Variants in PDE10A observed in about 807,000 individuals in gnomAD.
PDE10A encodes cAMP and cAMP-inhibited cGMP 3',5'-cyclic phosphodiesterase 10A.
In PDE10A, 39 loss-of-function variants were observed where a neutral mutation model predicts 97.7. That is an observed-to-expected ratio of 0.40 (90% CI 0.31 to 0.52). PDE10A has a LOEUF of 0.52. PDE10A is among the 20% of genes least tolerant of loss of function. The pLI is 0.56. For missense variants in PDE10A, 731 were observed against 1,047.8 expected (o/e 0.70, Z 4.17); for synonymous variants, 371 against 376.8 (o/e 0.98, Z 0.18).
At position 165,339,990 on chromosome 6, in the gene PDE10A, T is replaced by TTAGTTACTAAAGATTCACTTACAGGTAA. The variant is rs1477628983; in HGVS notation, c.2896-660_2896-633dup. Among the ~76,000 whole-genome samples, 8 of 152,318 alleles carry TTAGTTACTAAAGATTCACTTACAGGTAA rather than the reference T, an allele frequency of 5.3e-5. No individual in the cohort carries two copies. In the East Asian group the frequency reaches 1.5e-3, roughly 29 times the overall value. On this transcript the variant is annotated intron_variant, in intron 19 of 21. Coordinates refer to ENST00000539869, the MANE Select transcript of PDE10A (RefSeq NM_001385079.1). The stretch of plus-strand genomic sequence containing the variant: ...TAATAGTTACTAAAGATTCACTATG[T>TTAGTTACTAAAGATTCACTTACAGGTAA]TAGTTACTAAAGATTCACTTACAGG...
chr6:165,737,794 C>T (rs575367995), intron 1 of PDE10A, among the ~76,000 whole-genome samples: 79 of 152,206 alleles, frequency 5.2e-4, no homozygotes, highest in Non-Finnish European at 8.7e-4. Flanking sequence ...TACTAGAAGT[C>T]CTAGCCAGAG....
At chr6:165,554,599 T>C (rs982534410) in intron 1 of PDE10A, among the ~76,000 whole-genome samples, 3 of 152,076 alleles carry the variant, frequency 2.0e-5, no homozygotes, top group African/African-American at 7.2e-5. Flanking sequence ...TGGAGAAAAG[T>C]TTGGAGGTCC....
chr6:165,531,403 T>C (rs1782769951), intron 2 of PDE10A, among the ~76,000 whole-genome samples: 1 of 151,958 alleles, frequency 6.6e-6, no homozygotes, highest in African/African-American at 2.4e-5. Flanking sequence ...TGCTTTTCTA[T>C]ATTCCAGTTC....
At chr6:165,369,947 T>G (rs899207464) in intron 18 of PDE10A, among the ~76,000 whole-genome samples, 1 of 151,764 alleles carries the variant, frequency 6.6e-6, no homozygotes, top group African/African-American at 2.4e-5. Flanking sequence ...AGAAAAGAAT[T>G]TTCAACCCAG....
chr6:165,750,764 C>T (rs1021755264), intron 1 of PDE10A, among the ~76,000 whole-genome samples: 1 of 151,930 alleles, frequency 6.6e-6, no homozygotes, highest in African/African-American at 2.4e-5. Context: ...TTTTGACTCA[C>T]CTCTGAGATT....
chr6:165,545,958 C>T (rs971922981), intron 1 of PDE10A, among the ~76,000 whole-genome samples: 1 of 151,994 alleles, frequency 6.6e-6, no homozygotes, highest in African/African-American at 2.4e-5. Context: ...CAAAAACCTC[C>T]ATGTGAGTGT....
intron 18 of PDE10A, among the ~76,000 whole-genome samples, chr6:165,369,020 T>C (rs1784019386): frequency 6.6e-6 from 1 of 151,946 alleles, no homozygotes; most frequent in South Asian, 2.1e-4. Flanking sequence ...CTGAGGGTCC[T>C]GTCTGTTAGA....
chr6:165,880,114 A>T (rs1378308863), intron 1 of PDE10A, among the ~76,000 whole-genome samples: 1 of 152,144 alleles, frequency 6.6e-6, no homozygotes. Flanking sequence ...TCTTCATAAG[A>T]GGAGGCCTGT....
chr6:165,928,904 G>A (rs553694159), intron 1 of PDE10A, among the ~76,000 whole-genome samples: 1 of 152,324 alleles, frequency 6.6e-6, no homozygotes, highest in East Asian at 1.9e-4. Context: ...TGGTTGAGAA[G>A]TTTCTAGTGC....
chr6:165,487,977 A>C (rs2128285162), intron 2 of PDE10A, among the ~76,000 whole-genome samples: 1 of 151,848 alleles, frequency 6.6e-6, no homozygotes, highest in Admixed American at 6.5e-5. Context: ...ATGGAAAAGA[A>C]GAAAATTGCC....
chr6:165,752,126 G>A (rs566115801), intron 1 of PDE10A, among the ~76,000 whole-genome samples: 91 of 49,230 alleles, frequency 1.8e-3, no homozygotes, highest in Non-Finnish European at 3.8e-4. Flanking sequence ...CTGGGCAACA[G>A]AGCAAAAAAA....
rs1781202329 is a variant in PDE10A, at chr6:165,329,095, A to C, written c.*3930T>G. 1 of 152,244 alleles carries C rather than the reference A, an allele frequency of 6.6e-6. No individual in the cohort carries two copies. Among genetic ancestry groups the C allele is most frequent in the Non-Finnish European group, 1.5e-5 (1 of 68,054 alleles). The allele number at this position is 152,244 out of a possible 1,614,324, so 9.4% of individuals were successfully genotyped here. On this transcript the variant is annotated 3_prime_UTR_variant, in exon 22 of 22. Coordinates refer to ENST00000539869, the MANE Select transcript of PDE10A (RefSeq NM_001385079.1). ...ATAGTCTTTAAAGAATTAAATCCTA[A>C]ATAAAATCTGCAAAGTGTAGAAAGC...
intron 1 of PDE10A, among the ~76,000 whole-genome samples, chr6:165,886,224 C>T (rs546144704): frequency 6.6e-6 from 1 of 151,810 alleles, no homozygotes; most frequent in African/African-American, 2.4e-5. Context: ...AGCCCTGGAG[C>T]CCTGGAACCC....
At chr6:165,417,968 C>T (rs1430424807) in intron 11 of PDE10A, among the ~76,000 whole-genome samples, 2 of 152,204 alleles carry the variant, frequency 1.3e-5, no homozygotes, top group Non-Finnish European at 2.9e-5. Flanking sequence ...ATTTTCTCAG[C>T]TTCTGAATGT....
chr6:165,698,068 C>T (rs1791483069), intron 1 of PDE10A, among the ~76,000 whole-genome samples: 1 of 152,170 alleles, frequency 6.6e-6, no homozygotes, highest in Non-Finnish European at 1.5e-5. Context: ...TGAAGTGAAT[C>T]TCTCCTTTCT....
At chr6:165,827,597 G>A (rs1042890003) in intron 1 of PDE10A, among the ~76,000 whole-genome samples, 4 of 152,202 alleles carry the variant, frequency 2.6e-5, no homozygotes, top group Non-Finnish European at 5.9e-5. Flanking sequence ...TGGAGAGGAT[G>A]GTACTACTGA....
chr6:165,431,518 G>A lies in PDE10A; in HGVS notation c.1492-46C>T, dbSNP rs551392690. On this transcript the variant is annotated intron_variant, in intron 7 of 21. Transcript: ENST00000539869. ...ATACCTATAAGTAATAATACATAAC[G>A]TATATATATATACTATATATAATAT... The A allele has an allele frequency of 8.1e-5, 73 of 900,032 alleles. 1 individual carries two copies. Among genetic ancestry groups the A allele is most frequent in the Admixed American group, 2.1e-4 (11 of 52,402 alleles). The allele number at this position is 900,032 out of a possible 1,614,324, so 55.8% of individuals were successfully genotyped here.
chr6:165,433,786 T>C (rs950759433), intron 6 of PDE10A, among the ~76,000 whole-genome samples: 7 of 151,848 alleles, frequency 4.6e-5, no homozygotes, highest in South Asian at 2.1e-4. Flanking sequence ...GAGGCCGAGG[T>C]GGGCGGATCA....
intron 1 of PDE10A, among the ~76,000 whole-genome samples, chr6:165,634,717 T>C (rs1047494598): frequency 1.3e-5 from 2 of 152,178 alleles, no homozygotes; most frequent in African/African-American, 4.8e-5. Flanking sequence ...AAATTTGAAC[T>C]CGTAGTTTAC....
Sources: gnomAD v4.1 joint callset for allele counts (sites outside exome capture counted in the v4.1 genomes callset) on GRCh38, gnomAD v4.1.1 for gene constraint, MANE v1.5 for transcripts, NCBI Gene and HGNC (gene_info 2026-07-23, HGNC 2026-07-21) for gene names.